Variants in CERS6 observed in about 807,000 individuals in gnomAD.
CERS6 encodes LAG1 homolog, ceramide synthase 6.
CERS6 carries 26 observed loss-of-function variants against 56.8 expected under a neutral mutation model. The ratio of observed to expected loss-of-function variants is 0.46; its 90% confidence interval spans 0.34 to 0.63. The LOEUF is 0.63. Among genes scored for constraint, CERS6 ranks in the 30% least tolerant of loss-of-function variants. The probability of loss-of-function intolerance (pLI) is 0.01; values close to 1 mark genes in which losing one functional copy is unlikely to be tolerated. For missense variants in CERS6, 415 were observed against 467.5 expected (o/e 0.89, Z 1.04); for synonymous variants, 164 against 173.3 (o/e 0.95, Z 0.42).
intron 3 of CERS6, among the ~76,000 whole-genome samples, chr2:168,629,319 G>A (rs1023355387): frequency 6.6e-6 from 1 of 152,006 alleles, no homozygotes; most frequent in Non-Finnish European, 1.5e-5. Flanking sequence ...ACCTAATCTC[G>A]GAGTTGCAAA....
intron 6 of CERS6, among the ~76,000 whole-genome samples, chr2:168,713,757 C>G (rs561672549): frequency 7.2e-5 from 11 of 152,180 alleles, no homozygotes; most frequent in African/African-American, 1.9e-4. Flanking sequence ...TATGTACCCC[C>G]CTGAATCTAA....
chr2:168,507,288 G>T (rs1574030703), intron 1 of CERS6, among the ~76,000 whole-genome samples: 1 of 151,926 alleles, frequency 6.6e-6, no homozygotes, highest in East Asian at 1.9e-4. Flanking sequence ...TTCCTATCTT[G>T]TCCAGGATCC....
chr2:168,563,992 T>C (rs1044036033), intron 3 of CERS6, among the ~76,000 whole-genome samples: 1 of 152,188 alleles, frequency 6.6e-6, no homozygotes, highest in Non-Finnish European at 1.5e-5. Context: ...AACTCTCTTC[T>C]TCCTTGGTTT....
chr2:168,666,899 T>C (rs142560477), intron 4 of CERS6, among the ~76,000 whole-genome samples: 122 of 152,350 alleles, frequency 8.0e-4, no homozygotes, highest in African/African-American at 2.3e-3. Flanking sequence ...AAACGAGTTC[T>C]CATGCTGTCA....
chr2:168,585,287 T>C (rs996883805), intron 3 of CERS6, among the ~76,000 whole-genome samples: 1 of 152,248 alleles, frequency 6.6e-6, no homozygotes, highest in Non-Finnish European at 1.5e-5. Flanking sequence ...CTCATTCATC[T>C]AACAGTATTC....
intron 6 of CERS6, among the ~76,000 whole-genome samples, chr2:168,710,666 G>A (rs1456415117): frequency 6.6e-6 from 1 of 152,178 alleles, no homozygotes; most frequent in Non-Finnish European, 1.5e-5. Context: ...TGTTATCAGT[G>A]CAATTTTTAT....
chr2:168,608,422 A>G (rs1402170270), intron 3 of CERS6, among the ~76,000 whole-genome samples: 12 of 152,218 alleles, frequency 7.9e-5, no homozygotes, highest in Admixed American at 7.9e-4. Flanking sequence ...ATAAATTCAC[A>G]TTTAGAGATA....
At chr2:168,500,927 T>C (rs1239041259) in intron 1 of CERS6, among the ~76,000 whole-genome samples, 1 of 152,234 alleles carries the variant, frequency 6.6e-6, no homozygotes, top group Non-Finnish European at 1.5e-5. Flanking sequence ...CTAGCATATA[T>C]AGAATTCCTT....
chr2:168,534,737 C>T (rs1278688483), intron 1 of CERS6, among the ~76,000 whole-genome samples: 2 of 152,216 alleles, frequency 1.3e-5, no homozygotes, highest in Non-Finnish European at 2.9e-5. Context: ...ACCCGTTTAA[C>T]AAAGCACTTT....
At chr2:168,717,769 T>C (rs1191647107) in intron 7 of CERS6, 103 bp from the exon 8 acceptor site, 3 of 703,168 alleles carry the variant, frequency 4.3e-6, no homozygotes, top group Non-Finnish European at 6.9e-6. Context: ...GGCAATTTTA[T>C]GCATCTGGTA....
chr2:168,544,569 T>C lies in CERS6; in HGVS notation c.171-3027T>C, dbSNP rs114797196. 5.0e-3 allele frequency among the ~76,000 whole-genome samples: 763 copies of C among 152,046 alleles called. 4 individuals carry two copies. Among genetic ancestry groups the C allele is most frequent in the African/African-American group, 0.018 (734 of 41,474 alleles). On this transcript the variant is annotated intron_variant, in intron 1 of 9. Coordinates refer to ENST00000305747, the MANE Select transcript of CERS6 (RefSeq NM_203463.3). ...TGTGGCCACAGCATTCTGGGGGTCA[T>C]TGGGTTGGATAGGGGAGCTGGAAAG...
At chr2:168,662,646 C>T (rs978393048) in intron 4 of CERS6, among the ~76,000 whole-genome samples, 3 of 152,200 alleles carry the variant, frequency 2.0e-5, no homozygotes, top group East Asian at 1.9e-4. Context: ...GCAGGAGAAT[C>T]GCTTGAACCC....
chr2:168,693,795 T>G (rs1311753407), intron 5 of CERS6, among the ~76,000 whole-genome samples: 1 of 152,152 alleles, frequency 6.6e-6, no homozygotes, highest in Admixed American at 6.5e-5. Flanking sequence ...GGGATTAGGC[T>G]TCATCATATG....
At chr2:168,579,816 G>A (rs1683364898) in intron 3 of CERS6, among the ~76,000 whole-genome samples, 1 of 152,162 alleles carries the variant, frequency 6.6e-6, no homozygotes, top group African/African-American at 2.4e-5. Flanking sequence ...CTCGCTGCGT[G>A]TCAGTGATGT....
chr2:168,656,357 G>A (rs1685468561), intron 4 of CERS6, among the ~76,000 whole-genome samples: 1 of 152,216 alleles, frequency 6.6e-6, no homozygotes, highest in African/African-American at 2.4e-5. Flanking sequence ...GAATTGGTGG[G>A]TTCTTGGTCT....
At chr2:168,533,113 C>T (rs1281540740) in intron 1 of CERS6, among the ~76,000 whole-genome samples, 1 of 152,198 alleles carries the variant, frequency 6.6e-6, no homozygotes, top group African/African-American at 2.4e-5. Flanking sequence ...AAAGTACCTA[C>T]ACAAGTGGAA....
chr2:168,470,691 A>G (rs1311411249), intron 1 of CERS6, among the ~76,000 whole-genome samples: 1 of 151,794 alleles, frequency 6.6e-6, no homozygotes, highest in African/African-American at 2.4e-5. Flanking sequence ...CAGAATTGCA[A>G]AGGGACTAGG....
intron 8 of CERS6, among the ~76,000 whole-genome samples, chr2:168,735,941 C>T (rs1683704119): frequency 1.3e-5 from 2 of 150,836 alleles, no homozygotes; most frequent in African/African-American, 4.9e-5. Context: ...TGGGGTGACT[C>T]ACACCTGTAA....
chr2:168,712,906 C>T (rs1401223497), intron 6 of CERS6, among the ~76,000 whole-genome samples: 23 of 152,056 alleles, frequency 1.5e-4, no homozygotes, highest in Non-Finnish European at 2.9e-5. Context: ...TGGTCTAGCC[C>T]CTCTGTGTAC....
Sources: allele counts gnomAD v4.1 joint callset (sites outside exome capture counted in the v4.1 genomes callset), GRCh38; gene constraint gnomAD v4.1.1; transcripts MANE v1.5; gene names NCBI Gene and HGNC (gene_info 2026-07-23, HGNC 2026-07-21).